The following C11orf65 variants were observed in gnomAD, a reference collection of about 807,000 sequenced individuals.
C11orf65 encodes protein MFI.
C11orf65 carries 38 observed loss-of-function variants against 35.3 expected under a neutral mutation model. The ratio of observed to expected loss-of-function variants is 1.08; its 90% CI spans 0.83 to 1.41. The LOEUF is 1.41. Among genes scored for constraint, C11orf65 ranks in the 40% most tolerant of loss-of-function variants. The pLI is 0.00. For synonymous variants in C11orf65, 105 were observed against 114.4 expected (o/e 0.92, Z 0.53); for missense variants, 370 against 367.1 (o/e 1.01, Z -0.06).
chr11:108,466,410 G>C (rs7943607), intron 1 of C11orf65, among the ~76,000 whole-genome samples: 94,126 of 151,886 alleles, frequency 0.62, 29,467 homozygotes, highest in Middle Eastern at 0.76. Flanking sequence ...CCTGTCTCTA[G>C]TAAAAATACA....
chr11:108,385,996 T>C (rs1381582983), intron 7 of C11orf65, 21 bp from the exon 8 acceptor site: 1 of 1,598,394 alleles, frequency 6.3e-7, no homozygotes, highest in Admixed American at 1.7e-5. Flanking sequence ...TATATGAGGA[T>C]TCATTAAATT....
intron 2 of C11orf65, among the ~76,000 whole-genome samples, chr11:108,350,826 C>T (rs962995336): frequency 6.6e-6 from 1 of 152,114 alleles, no homozygotes; most frequent in African/African-American, 2.4e-5. Context: ...GTGCTAAAAG[C>T]ATCTATAAAT....
rs878853532 is a variant in C11orf65, at chr11:108,321,384, T to C, written c.641-12313A>G. ...CCCACACTTAGCAGGTTGCAGGCCA[T>C]TGGAGAGCTGGAAAGCATTGGGGAG... On this transcript the variant is annotated intron_variant, in intron 6 of 6. Transcript: ENST00000525729. The C allele has an allele frequency of 6.8e-6, 11 of 1,614,074 alleles. No individual in the cohort carries two copies. Among genetic ancestry groups the C allele is most frequent in the East Asian group, 2.2e-5 (1 of 44,892 alleles).
At chr11:108,318,580 C>T (rs2084951290) in intron 6 of C11orf65, among the ~76,000 whole-genome samples, 1 of 151,642 alleles carries the variant, frequency 6.6e-6, no homozygotes, top group African/African-American at 2.4e-5. Flanking sequence ...ATCCAAGCTA[C>T]TCGGGAGGCT....
chr11:108,422,916 C>T (rs140282210), intron 3 of C11orf65, among the ~76,000 whole-genome samples: 1 of 151,692 alleles, frequency 6.6e-6, no homozygotes, highest in East Asian at 1.9e-4. Context: ...TACCTCACAC[C>T]ATACACAGAG....
intron 2 of C11orf65, among the ~76,000 whole-genome samples, chr11:108,369,942 A>G (rs1290934151): frequency 1.3e-5 from 2 of 152,104 alleles, no homozygotes; most frequent in Non-Finnish European, 2.9e-5. Context: ...CTTTGCTGAT[A>G]TTTCTACTGA....
chr11:108,408,981 T>C (rs906250436), intron 3 of C11orf65, among the ~76,000 whole-genome samples: 1 of 152,084 alleles, frequency 6.6e-6, no homozygotes, highest in Non-Finnish European at 1.5e-5. Flanking sequence ...TGTGAGATCC[T>C]GTTATAAAAC....
intron 7 of C11orf65, among the ~76,000 whole-genome samples, chr11:108,389,685 T>C (rs1164249544): frequency 6.6e-6 from 1 of 152,162 alleles, no homozygotes; most frequent in Middle Eastern, 3.2e-3. Context: ...TTTGTTTTGC[T>C]CTGTTTTGTT....
chr11:108,317,618 TATATATA>T (rs2084820682), intron 6 of C11orf65: 5 of 26,756 alleles, frequency 1.9e-4, no homozygotes, highest in South Asian at 1.5e-3. Flanking sequence ...AGTTGTTTTA[TATATATA>T]TATATATATA....
Position 108,431,804 on chromosome 11 carries a change from A to C in C11orf65, c.116T>G (p.Ile39Ser). The change falls in exon 3 of 9, where the codon ATT (isoleucine) becomes AGT (serine). Residue 39 changes from isoleucine to serine, a missense_variant. Physicochemically the swap from Ile to Ser is moderately radical, Grantham distance 142. Coordinates refer to ENST00000393084, the MANE Select transcript of C11orf65 (RefSeq NM_152587.5). ...TGGTTCTCCTTGTCTTCTTAAATCAATCAGACTTTTAAAGTGTTGAAATAT... is the reference window on the plus strand; with the variant it reads ...TGGTTCTCCTTGTCTTCTTAAATCACTCAGACTTTTAAAGTGTTGAAATAT... ...VAIFQHFKSL[I>S]DLRRQGEPRQ... The C allele has an allele frequency of 6.5e-7, 1 of 1,527,758 alleles. No individual in the cohort carries two copies. Among genetic ancestry groups the C allele is most frequent in the Non-Finnish European group, 8.9e-7 (1 of 1,123,492 alleles). The allele number at this position is 1,527,758 out of a possible 1,614,324, so 94.6% of individuals were successfully genotyped here. A position where few individuals can be genotyped will look rare whatever the true frequency, so the allele number is the denominator to read the frequency against.
chr11:108,402,459 A>G (rs957993352), intron 6 of C11orf65, among the ~76,000 whole-genome samples: 2 of 152,110 alleles, frequency 1.3e-5, no homozygotes, highest in African/African-American at 4.8e-5. Context: ...GACCCTTGCA[A>G]TGGAACCCAG....
intron 2 of C11orf65, chr11:108,368,319 T>C (rs2091439247): frequency 9.6e-6 from 2 of 208,882 alleles, no homozygotes; most frequent in Non-Finnish European, 1.9e-5. Flanking sequence ...TTTGGCAAGC[T>C]GGAACTCTTT....
chr11:108,385,048 A>T (rs1209642214), intron 8 of C11orf65, among the ~76,000 whole-genome samples: 1 of 152,186 alleles, frequency 6.6e-6, no homozygotes, highest in Non-Finnish European at 1.5e-5. Flanking sequence ...TTATTTTGCC[A>T]AGTGAAGTCT....
intron 2 of C11orf65, chr11:108,343,483 T>C: frequency 7.7e-7 from 1 of 1,299,398 alleles, no homozygotes; most frequent in Non-Finnish European, 1.1e-6. Context: ...ATCAGGTAAT[T>C]GTCAAAGATA....
rs781182563 is a variant in C11orf65 at position 108,355,782 on chromosome 11, G to A, written c.227-20490C>T. 2.0e-5 allele frequency: 3 copies of A among 152,242 alleles called. No individual in the cohort carries two copies. In the South Asian group the frequency reaches 6.2e-4, roughly 32 times the overall value. The allele number at this position is 152,242 out of a possible 1,614,324, so 9.4% of individuals were successfully genotyped here. On this transcript the variant is annotated intron_variant, in intron 2 of 3. Coordinates refer to the C11orf65 transcript ENST00000524755. ...CTCTCCTACTGTTCAACTAGGATAT[G>A]AGAACTGTCTTAATTCATTGGCATT...
downstream of C11orf65, chr11:108,327,466 C>A: frequency 7.0e-6 from 4 of 568,044 alleles, no homozygotes; most frequent in South Asian, 7.9e-5. Context: ...AGAGGATGAT[C>A]ATTTCCTACA....
At chr11:108,466,886 T>C (rs1291060764) in intron 1 of C11orf65, among the ~76,000 whole-genome samples, 1 of 152,240 alleles carries the variant, frequency 6.6e-6, no homozygotes, top group Non-Finnish European at 1.5e-5. Flanking sequence ...CTCTACTAAA[T>C]TTATTGAATA....
chr11:108,468,502 A>T (rs2093560253), upstream of C11orf65, among the ~76,000 whole-genome samples: 1 of 152,192 alleles, frequency 6.6e-6, no homozygotes, highest in Non-Finnish European at 1.5e-5. Context: ...TCATGCATGG[A>T]ATATAATTTG....
intron 6 of C11orf65, among the ~76,000 whole-genome samples, chr11:108,322,332 T>C (rs1440412654): frequency 6.6e-6 from 1 of 152,128 alleles, no homozygotes; most frequent in African/African-American, 2.4e-5. Flanking sequence ...TTTTCTACTT[T>C]TAATAGAGAC....
Sources: gnomAD v4.1 joint callset for allele counts (sites outside exome capture counted in the v4.1 genomes callset) on GRCh38, gnomAD v4.1.1 for gene constraint, MANE v1.5 for transcripts, NCBI Gene and HGNC (gene_info 2026-07-23, HGNC 2026-07-21) for gene names.